Variants in SLC12A1 observed in about 807,000 individuals in gnomAD.
SLC12A1 encodes the protein Na-K-2Cl cotransporter.
In SLC12A1, 89 loss-of-function variants were observed where a neutral mutation model predicts 130.4. That is an observed-to-expected ratio of 0.68 (90% CI 0.58 to 0.81). The LOEUF (loss-of-function observed/expected upper bound fraction) is 0.81, where lower values mean the gene tolerates loss of function less well. Ranked by LOEUF, SLC12A1 falls within the 40% of genes least tolerant of loss-of-function variation. The pLI is 0.00. For synonymous variants in SLC12A1, 499 were observed against 460.0 expected (o/e 1.08, Z -1.09); for missense variants, 1,310 against 1,336.4 (o/e 0.98, Z 0.31).
chr15:48,229,711 T>C (rs139670479), intron 6 of SLC12A1, among the ~76,000 whole-genome samples: 2 of 152,352 alleles, frequency 1.3e-5, no homozygotes, highest in East Asian at 1.9e-4. Context: ...ATTATGGTTA[T>C]AGATTTCTAA....
intron 26 of SLC12A1, among the ~76,000 whole-genome samples, chr15:48,301,771 G>C (rs1330026605): frequency 6.6e-6 from 1 of 152,146 alleles, no homozygotes; most frequent in Non-Finnish European, 1.5e-5. Flanking sequence ...CCCATGGCAG[G>C]TTCATGAGGC....
chr15:48,294,091 T>G (rs2042148269), intron 24 of SLC12A1, among the ~76,000 whole-genome samples: 1 of 150,016 alleles, frequency 6.7e-6, no homozygotes, highest in East Asian at 2.0e-4. Context: ...GACTCACGCC[T>G]GTAATCCCAG....
intron 1 of SLC12A1, among the ~76,000 whole-genome samples, chr15:48,206,874 A>C (rs987724515): frequency 3.3e-5 from 5 of 152,116 alleles, no homozygotes; most frequent in Non-Finnish European, 7.4e-5. Flanking sequence ...TTAAGGTTTC[A>C]TGTTAGTATT....
chr15:48,230,357 C>T, intron 6 of SLC12A1, 36 bp from the exon 7 acceptor site: 1 of 1,309,070 alleles, frequency 7.6e-7, no homozygotes, highest in South Asian at 1.2e-5. Flanking sequence ...ATGCAAAAAG[C>T]TGTATCTCTA....
chr15:48,255,197 T>C (rs1225751755), intron 15 of SLC12A1, among the ~76,000 whole-genome samples: 1 of 152,172 alleles, frequency 6.6e-6, no homozygotes, highest in Non-Finnish European at 1.5e-5. Context: ...CCCAGCACTC[T>C]GAGAGACCGA....
At chr15:48,247,998 A>T (rs1404013744) in intron 13 of SLC12A1, among the ~76,000 whole-genome samples, 1 of 152,192 alleles carries the variant, frequency 6.6e-6, no homozygotes, top group Non-Finnish European at 1.5e-5. Context: ...CTAGACTATA[A>T]TCTTGGCTTC....
chr15:48,251,169 A>G (rs942258572), intron 14 of SLC12A1, among the ~76,000 whole-genome samples: 4 of 151,396 alleles, frequency 2.6e-5, no homozygotes, highest in African/African-American at 9.7e-5. Context: ...CTTGATGACT[A>G]CTCCACCTTC....
chr15:48,255,454 G>A (rs1016318663), intron 15 of SLC12A1, among the ~76,000 whole-genome samples: 13 of 146,532 alleles, frequency 8.9e-5, no homozygotes, highest in African/African-American at 2.8e-4. Flanking sequence ...AAAAAAAAAA[G>A]AAGAATTTGT....
intron 5 of SLC12A1, chr15:48,227,286 A>G (rs2041302651): frequency 2.4e-6 from 2 of 837,160 alleles, no homozygotes; most frequent in East Asian, 5.4e-5. Flanking sequence ...CAGTGTCCTA[A>G]ACAAAATAAC....
intron 9 of SLC12A1, chr15:48,237,182 G>A (rs2141042972): frequency 1.7e-6 from 1 of 604,308 alleles, no homozygotes; most frequent in Admixed American, 2.9e-5. Flanking sequence ...AGGTTTTGAG[G>A]GATGAACAGG....
chr15:48,280,829 G>A (rs796172746), intron 20 of SLC12A1, among the ~76,000 whole-genome samples: 6 of 151,550 alleles, frequency 4.0e-5, no homozygotes, highest in African/African-American at 1.2e-4. Flanking sequence ...ATTGTCTTTT[G>A]TACTTACCAC....
intron 6 of SLC12A1, 37 bp from the exon 7 acceptor site, chr15:48,230,356 G>A: frequency 7.7e-7 from 1 of 1,301,916 alleles, no homozygotes; most frequent in Non-Finnish European, 1.1e-6. Flanking sequence ...CATGCAAAAA[G>A]CTGTATCTCT....
chr15:48,244,819 A>G lies in SLC12A1; in HGVS notation c.1367A>G (p.Asn456Ser), dbSNP rs2041559216. ...NDTIISGMNC[N>S]GSAACGLGYD... ...ACCATCATTTCTGGGATGAACTGCA[A>G]TGGTTCAGCAGCATGTGGGTTGGGC... Residue 456 changes from asparagine (N) to serine (S), a missense_variant, in exon 11 of 27, where the codon AAT becomes AGT. Physicochemically the swap from Asn to Ser is conservative, Grantham distance 46. Transcript: ENST00000380993. 4 of 1,613,862 alleles carry G rather than the reference A, an allele frequency of 2.5e-6. No individual in the cohort carries two copies. The highest frequency in any genetic ancestry group is 1.1e-5 in the South Asian group (1 of 91,086).
intron 16 of SLC12A1, among the ~76,000 whole-genome samples, chr15:48,256,651 A>G (rs2041710224): frequency 6.6e-6 from 1 of 152,122 alleles, no homozygotes; most frequent in African/African-American, 2.4e-5. Flanking sequence ...TAAAACCATC[A>G]GTTCTTGGGA....
chr15:48,216,064 T>C (rs2041117136), intron 2 of SLC12A1, among the ~76,000 whole-genome samples: 1 of 152,160 alleles, frequency 6.6e-6, no homozygotes, highest in African/African-American at 2.4e-5. Flanking sequence ...GGGGTTTTTT[T>C]CCCCTCTATG....
intron 17 of SLC12A1, among the ~76,000 whole-genome samples, chr15:48,261,026 G>A (rs1273293189): frequency 6.6e-6 from 1 of 152,092 alleles, no homozygotes; most frequent in Non-Finnish European, 1.5e-5. Flanking sequence ...GACCAACTGT[G>A]ACTCCAGAGA....
At chr15:48,208,168 C>T in intron 2 of SLC12A1, 29 bp downstream of exon 2, 1 of 1,532,044 alleles carries the variant, frequency 6.5e-7, no homozygotes. Context: ...AGCAAGTCTC[C>T]TCCCTTATTC....
intron 20 of SLC12A1, among the ~76,000 whole-genome samples, chr15:48,284,210 CAA>C: frequency 6.6e-6 from 1 of 152,208 alleles, no homozygotes. Context: ...ACCCACTCCA[CAA>C]AGTTATTTTG....
intron 17 of SLC12A1, among the ~76,000 whole-genome samples, chr15:48,265,247 A>C (rs1292633548): frequency 6.6e-6 from 1 of 152,232 alleles, no homozygotes; most frequent in Non-Finnish European, 1.5e-5. Context: ...TGGCAAGTTT[A>C]GGCATTAAAG....
Sources: gnomAD v4.1 joint callset for allele counts (sites outside exome capture counted in the v4.1 genomes callset) on GRCh38, gnomAD v4.1.1 for gene constraint, MANE v1.5 for transcripts, NCBI Gene and HGNC (gene_info 2026-07-23, HGNC 2026-07-21) for gene names.